The following ARHGEF3 variants were observed in gnomAD, a reference collection of about 807,000 sequenced individuals.
ARHGEF3 encodes the protein 59.8 kDA protein.
A neutral mutation model predicts 63.2 loss-of-function variants in ARHGEF3; 28 were observed. That is an observed-to-expected ratio of 0.44 (90% confidence interval 0.33 to 0.61). ARHGEF3 has a LOEUF of 0.61. Among genes scored for constraint, ARHGEF3 ranks in the 20% least tolerant of loss-of-function variants. ARHGEF3 has a pLI of 0.03. For synonymous variants in ARHGEF3, 266 were observed against 254.2 expected, an observed-to-expected ratio of 1.05 and a Z score of -0.44; for missense variants, 533 against 659.3, an observed-to-expected ratio of 0.81 and a Z score of 2.10.
chr3:57,023,447 A>G (rs1703342769), intron 2 of ARHGEF3, among the ~76,000 whole-genome samples: 1 of 152,158 alleles, frequency 6.6e-6, no homozygotes, highest in Non-Finnish European at 1.5e-5. Flanking sequence ...CTTCCCTCCA[A>G]ATCTTTTTCC....
intron 1 of ARHGEF3, among the ~76,000 whole-genome samples, chr3:56,779,535 C>T (rs1019631592): frequency 1.3e-5 from 2 of 151,988 alleles, no homozygotes; most frequent in African/African-American, 4.8e-5. Context: ...CTCTGTCGCG[C>T]AGGCTGGAGT....
At chr3:57,013,929 C>G (rs1016704059) in intron 2 of ARHGEF3, among the ~76,000 whole-genome samples, 3 of 152,198 alleles carry the variant, frequency 2.0e-5, no homozygotes, top group Non-Finnish European at 4.4e-5. Context: ...AGCGGCAACT[C>G]TTTGGGTCAA....
intron 1 of ARHGEF3, chr3:57,073,665 CTGGAGAATTCTGTTTT>C: frequency 6.3e-7 from 1 of 1,589,732 alleles, no homozygotes; most frequent in Non-Finnish European, 8.6e-7. Context: ...GCCTCCTTTT[CTGGAGAATTCTGTTTT>C]TGACTTGGGC....
At chr3:56,941,459 TG>T (rs1699181647) in intron 3 of ARHGEF3, among the ~76,000 whole-genome samples, 1 of 152,194 alleles carries the variant, frequency 6.6e-6, no homozygotes, top group Non-Finnish European at 1.5e-5. Flanking sequence ...CCACCTGCCT[TG>T]GCCTCCCAAA....
At chr3:56,863,611 T>G (rs568714325) in intron 4 of ARHGEF3, among the ~76,000 whole-genome samples, 1 of 152,068 alleles carries the variant, frequency 6.6e-6, no homozygotes, top group Non-Finnish European at 1.5e-5. Flanking sequence ...TTTTTGTATT[T>G]TTTAGTAGAG....
At chr3:57,003,664 G>A (rs1702351384) in intron 2 of ARHGEF3, among the ~76,000 whole-genome samples, 1 of 152,154 alleles carries the variant, frequency 6.6e-6, no homozygotes, top group African/African-American at 2.4e-5. Flanking sequence ...TTGAGATGGG[G>A]TGTATCGTGG....
chr3:56,821,783 G>GTGT (rs2038502736), intron 4 of ARHGEF3, among the ~76,000 whole-genome samples: 1 of 152,134 alleles, frequency 6.6e-6, no homozygotes, highest in Non-Finnish European at 1.5e-5. Context: ...GGCCAACATT[G>GTGT]TGAAACCTTG....
intron 2 of ARHGEF3, among the ~76,000 whole-genome samples, chr3:57,014,026 G>C (rs775885968): frequency 6.6e-6 from 1 of 152,142 alleles, no homozygotes; most frequent in Non-Finnish European, 1.5e-5. Flanking sequence ...GCCTTTATGA[G>C]CTGTAACACT....
chr3:56,744,567 T>C (rs2034262343), intron 7 of ARHGEF3, among the ~76,000 whole-genome samples: 1 of 149,072 alleles, frequency 6.7e-6, no homozygotes, highest in Non-Finnish European at 1.5e-5. Context: ...CCCAGCTAAT[T>C]TTTTTTTTTT....
chr3:56,747,981 T>G (rs2034494797), intron 6 of ARHGEF3, among the ~76,000 whole-genome samples: 1 of 152,230 alleles, frequency 6.6e-6, no homozygotes, highest in Non-Finnish European at 1.5e-5. Flanking sequence ...ATGTGTAGCA[T>G]GGAGCTTGGC....
In ARHGEF3 at chr3:57,063,103, C is replaced by G. The variant is rs374331278; in HGVS notation, c.-28+16123G>C. On this transcript the variant is annotated intron_variant, in intron 1 of 12. Coordinates refer to the ARHGEF3 transcript ENST00000338458. ...GGGAAGGCTGAAGGAAATGAGGGAC[C>G]AAGCTCTGCAGATATTGGGAGAGGT... 3.9e-5 allele frequency among the ~76,000 whole-genome samples: 6 copies of G among 152,288 alleles called. No homozygotes were observed. In the East Asian group the frequency reaches 7.7e-4, roughly 20 times the overall value.
chr3:56,840,481 C>A (rs1395565178), intron 4 of ARHGEF3, among the ~76,000 whole-genome samples: 2 of 152,182 alleles, frequency 1.3e-5, no homozygotes, highest in Non-Finnish European at 2.9e-5. Context: ...TAAAATATCT[C>A]TATTACAACA....
At chr3:57,048,551 TAGAC>T (rs1275173401) in intron 1 of ARHGEF3, among the ~76,000 whole-genome samples, 2 of 151,958 alleles carry the variant, frequency 1.3e-5, no homozygotes, top group African/African-American at 4.8e-5. Flanking sequence ...ACAATGGAAA[TAGAC>T]AGATGCTTCC....
At chr3:56,844,753 GT>G (rs1326220642) in intron 4 of ARHGEF3, among the ~76,000 whole-genome samples, 1 of 152,130 alleles carries the variant, frequency 6.6e-6, no homozygotes, top group East Asian at 1.9e-4. Context: ...CAACCCCAAT[GT>G]TTTCTGGGAG....
intron 4 of ARHGEF3, among the ~76,000 whole-genome samples, chr3:56,875,796 C>A (rs2040567747): frequency 6.6e-6 from 1 of 152,192 alleles, no homozygotes; most frequent in Admixed American, 6.5e-5. Flanking sequence ...ACGGGCAAGG[C>A]CTTGTGCCAG....
intron 1 of ARHGEF3, among the ~76,000 whole-genome samples, chr3:57,049,289 A>C (rs1235723206): frequency 6.6e-6 from 1 of 152,164 alleles, no homozygotes; most frequent in East Asian, 1.9e-4. Context: ...GGACTGCTTG[A>C]ACCCAGGAGT....
chr3:56,873,592 T>G (rs2040499928), intron 4 of ARHGEF3, among the ~76,000 whole-genome samples: 1 of 152,212 alleles, frequency 6.6e-6, no homozygotes, highest in African/African-American at 2.4e-5. Context: ...AATTATTTTG[T>G]AGAGACGAGG....
intron 2 of ARHGEF3, among the ~76,000 whole-genome samples, chr3:57,033,780 C>T (rs1703833996): frequency 6.6e-6 from 1 of 152,088 alleles, no homozygotes; most frequent in Admixed American, 6.6e-5. Flanking sequence ...CGCGGTGGCT[C>T]ATGCCTGTAA....
At chr3:57,074,089 T>C (rs776431467) in intron 1 of ARHGEF3, 2 of 1,614,064 alleles carry the variant, frequency 1.2e-6, no homozygotes, top group South Asian at 2.2e-5. Context: ...TTTCTTGGTA[T>C]GGAAGATGGG....
Sources: allele counts gnomAD v4.1 joint callset (sites outside exome capture counted in the v4.1 genomes callset), GRCh38; gene constraint gnomAD v4.1.1; transcripts MANE v1.5; gene names NCBI Gene and HGNC (gene_info 2026-07-23, HGNC 2026-07-21).